UNC5C: variants seen among roughly 807,000 people sequenced by gnomAD.
UNC5C encodes the protein netrin receptor UNC5C.
UNC5C carries 47 observed loss-of-function variants against 99.8 expected under a neutral mutation model. The observed-to-expected ratio is 0.47, with a 90% confidence interval of 0.37 to 0.60. UNC5C has a LOEUF of 0.60. Among genes scored for constraint, UNC5C ranks in the 20% least tolerant of loss-of-function variants. UNC5C has a pLI of 0.00. For synonymous variants in UNC5C, 487 were observed against 452.2 expected, an observed-to-expected ratio of 1.08 and a Z score of -0.98; for missense variants, 1,062 against 1,165.9, an observed-to-expected ratio of 0.91 and a Z score of 1.30.
chr4:95,344,353 A>T (rs1743691196), intron 1 of UNC5C, among the ~76,000 whole-genome samples: 1 of 152,146 alleles, frequency 6.6e-6, no homozygotes, highest in Non-Finnish European at 1.5e-5. Flanking sequence ...GAGAAAATAT[A>T]CTTCAAACAT....
chr4:95,428,444 G>A (rs1407271337), intron 1 of UNC5C, among the ~76,000 whole-genome samples: 1 of 152,058 alleles, frequency 6.6e-6, no homozygotes, highest in Non-Finnish European at 1.5e-5. Context: ...AATGGTGATT[G>A]CGTTTCTTAT....
In UNC5C at chr4:95,168,574, G is replaced by A. The variant is rs1735951942; in HGVS notation, c.*660C>T. On this transcript the variant is annotated 3_prime_UTR_variant, in exon 16 of 16. Coordinates refer to ENST00000453304, the MANE Select transcript of UNC5C (RefSeq NM_003728.4). ...GCTTTATTCCCAAAGGGCACCAGAA[G>A]GGTCCCTCCAAGGAATAGGAGTCTT... 6.6e-6 allele frequency: 1 copy of A among 152,588 alleles called. No homozygotes were observed. The highest frequency in any genetic ancestry group is 2.4e-5 in the African/African-American group (1 of 41,452). 9.5% of individuals were successfully genotyped at this position (152,588 alleles called of 1,614,324 possible). A position where few individuals can be genotyped will look rare whatever the true frequency, so the allele number is the denominator to read the frequency against.
intron 2 of UNC5C, among the ~76,000 whole-genome samples, chr4:95,307,136 A>T (rs1196543245): frequency 3.9e-5 from 6 of 152,118 alleles, no homozygotes; most frequent in Admixed American, 3.9e-4. Flanking sequence ...AAAAGGCAGA[A>T]TTTCAGAATC....
At chr4:95,512,775 T>A (rs1209894076) in intron 1 of UNC5C, among the ~76,000 whole-genome samples, 44 of 152,292 alleles carry the variant, frequency 2.9e-4, no homozygotes. Flanking sequence ...AGTTTATATG[T>A]TTGTTACTAC....
At chr4:95,523,983 C>T (rs926601047) in intron 1 of UNC5C, among the ~76,000 whole-genome samples, 123 of 152,254 alleles carry the variant, frequency 8.1e-4, no homozygotes, top group Middle Eastern at 3.4e-3. Context: ...AAGTTTAATG[C>T]ACGAGAGAAG....
intron 2 of UNC5C, among the ~76,000 whole-genome samples, chr4:95,306,314 T>C (rs1742060915): frequency 6.6e-6 from 1 of 152,146 alleles, no homozygotes; most frequent in Non-Finnish European, 1.5e-5. Flanking sequence ...ACCATTCTCC[T>C]GCCTCAGCCT....
At chr4:95,423,544 G>T (rs1437669697) in intron 1 of UNC5C, among the ~76,000 whole-genome samples, 1 of 152,178 alleles carries the variant, frequency 6.6e-6, no homozygotes, top group Non-Finnish European at 1.5e-5. Context: ...GACAGAAAAA[G>T]TTCCCATGGT....
chr4:95,305,919 T>C (rs1742045141), intron 2 of UNC5C, among the ~76,000 whole-genome samples: 2 of 152,226 alleles, frequency 1.3e-5, no homozygotes, highest in African/African-American at 4.8e-5. Flanking sequence ...GACATTTATT[T>C]CTTATTTTTA....
intron 1 of UNC5C, among the ~76,000 whole-genome samples, chr4:95,386,399 A>G (rs927176303): frequency 6.6e-6 from 1 of 152,102 alleles, no homozygotes; most frequent in African/African-American, 2.4e-5. Context: ...TTTTGAGCCC[A>G]GATAATACTT....
intron 2 of UNC5C, among the ~76,000 whole-genome samples, chr4:95,331,153 T>A (rs906003678): frequency 6.6e-6 from 1 of 152,124 alleles, no homozygotes; most frequent in Non-Finnish European, 1.5e-5. Context: ...ATGGTTTCAG[T>A]CTTTTTTATG....
intron 1 of UNC5C, among the ~76,000 whole-genome samples, chr4:95,464,002 C>A (rs572938438): frequency 6.6e-6 from 1 of 152,156 alleles, no homozygotes; most frequent in Non-Finnish European, 1.5e-5. Context: ...CCAGTCTTCT[C>A]AGGAAGTGCA....
chr4:95,292,003 A>G (rs1169037232), intron 3 of UNC5C, among the ~76,000 whole-genome samples: 3 of 152,002 alleles, frequency 2.0e-5, no homozygotes, highest in Non-Finnish European at 4.4e-5. Flanking sequence ...AGAACTGTTT[A>G]TAGTATGACC....
At chr4:95,377,942 C>T (rs6845966) in intron 1 of UNC5C, among the ~76,000 whole-genome samples, 22,093 of 152,118 alleles carry the variant, frequency 0.15, 1,907 homozygotes, top group South Asian at 0.23. Context: ...TTTAAATATA[C>T]AGCAAGTAGA....
At chr4:95,190,422 T>A (rs1380276985) in intron 12 of UNC5C, among the ~76,000 whole-genome samples, 2 of 152,142 alleles carry the variant, frequency 1.3e-5, no homozygotes, top group Non-Finnish European at 2.9e-5. Context: ...CACACCAACA[T>A]GGCACATGTA....
intron 10 of UNC5C, among the ~76,000 whole-genome samples, chr4:95,207,473 C>A (rs534130212): frequency 2.0e-5 from 3 of 152,260 alleles, no homozygotes; most frequent in Admixed American, 2.0e-4. Context: ...TGCCTTTAAT[C>A]TTTTCCCTAA....
chr4:95,299,974 A>G (rs1252599453), intron 3 of UNC5C, among the ~76,000 whole-genome samples: 2 of 152,210 alleles, frequency 1.3e-5, no homozygotes, highest in Non-Finnish European at 2.9e-5. Context: ...AAGATCTGCA[A>G]TGGTCCACAT....
rs954597084 is a variant in UNC5C at position 95,218,548 on chromosome 4, CA to C, written c.1645+420del. 4.5e-4 allele frequency among the ~76,000 whole-genome samples: 68 copies of C among 152,154 alleles called. 1 individual carries two copies. Among genetic ancestry groups the C allele is most frequent in the Middle Eastern group, 6.8e-3 (2 of 292 alleles). Reference sequence around the variant, plus strand: ...TGTCTATTATGATACCTCTGATGATCAAAAAATTTGTTTTCTGTATTATTGC... The same window carrying C: ...TGTCTATTATGATACCTCTGATGATCAAAAATTTGTTTTCTGTATTATTGC... On this transcript the variant is annotated intron_variant, in intron 9 of 15. Coordinates refer to ENST00000453304, the MANE Select transcript of UNC5C (RefSeq NM_003728.4).
At chr4:95,211,489 T>A (rs1332087326) in intron 10 of UNC5C, among the ~76,000 whole-genome samples, 1 of 152,208 alleles carries the variant, frequency 6.6e-6, no homozygotes, top group Non-Finnish European at 1.5e-5. Flanking sequence ...CTCATTGCTG[T>A]TTTTCTTTAA....
intron 1 of UNC5C, among the ~76,000 whole-genome samples, chr4:95,529,562 C>A (rs1255353113): frequency 6.6e-6 from 1 of 151,412 alleles, no homozygotes; most frequent in Admixed American, 6.6e-5. Flanking sequence ...CCCATCTCTA[C>A]AAAAAACTAA....
Sources: allele counts gnomAD v4.1 joint callset (sites outside exome capture counted in the v4.1 genomes callset), GRCh38; gene constraint gnomAD v4.1.1; transcripts MANE v1.5; gene names NCBI Gene and HGNC (gene_info 2026-07-23, HGNC 2026-07-21).